The following IQCM variants were observed in gnomAD, a reference collection of about 807,000 sequenced individuals.
IQCM encodes IQ domain-containing protein M.
A neutral mutation model predicts 57.6 loss-of-function variants in IQCM; 45 were observed. That is an observed-to-expected ratio of 0.78 (90% CI 0.62 to 1.00). The LOEUF (loss-of-function observed/expected upper bound fraction) is 1.00, where lower values mean the gene tolerates loss of function less well. IQCM is among the 50% of genes least tolerant of loss of function. IQCM has a pLI of 0.00. For missense variants in IQCM, 468 were observed against 511.6 expected (o/e 0.91, Z 0.82); for synonymous variants, 148 against 158.9 (o/e 0.93, Z 0.51).
chr4:149,666,841 C>A (rs1242968292), intron 7 of IQCM, among the ~76,000 whole-genome samples: 1 of 152,138 alleles, frequency 6.6e-6, no homozygotes, highest in Non-Finnish European at 1.5e-5. Flanking sequence ...GCCACCACAG[C>A]ACCACAAAGC....
chr4:149,476,644 A>G (rs776454092), intron 12 of IQCM, among the ~76,000 whole-genome samples: 1 of 152,168 alleles, frequency 6.6e-6, no homozygotes, highest in African/African-American at 2.4e-5. Flanking sequence ...GTCTAATAAA[A>G]GACATCAACC....
At chr4:149,456,201 C>A (rs1737686600) in intron 12 of IQCM, among the ~76,000 whole-genome samples, 1 of 150,988 alleles carries the variant, frequency 6.6e-6, no homozygotes, top group Middle Eastern at 3.2e-3. Flanking sequence ...TACGATCAGA[C>A]AAAGAGGATA....
At chr4:149,398,186 C>G (rs1048518193) in intron 13 of IQCM, among the ~76,000 whole-genome samples, 1 of 151,868 alleles carries the variant, frequency 6.6e-6, no homozygotes, top group African/African-American at 2.4e-5. Flanking sequence ...GATTAGTTGA[C>G]CATGTATGGG....
At chr4:149,785,683 A>G (rs1772014965) in intron 2 of IQCM, among the ~76,000 whole-genome samples, 2 of 152,156 alleles carry the variant, frequency 1.3e-5, no homozygotes, top group South Asian at 4.1e-4. Context: ...TAATTTTTCT[A>G]ACCTTAGATC....
intron 13 of IQCM, among the ~76,000 whole-genome samples, chr4:149,420,817 T>C (rs1347113395): frequency 6.6e-6 from 1 of 152,026 alleles, no homozygotes; most frequent in Admixed American, 6.6e-5. Context: ...ATAAAAATCA[T>C]CCTCTTGACT....
intron 9 of IQCM, among the ~76,000 whole-genome samples, chr4:149,577,840 C>A (rs1479466662): frequency 6.6e-6 from 1 of 151,766 alleles, no homozygotes; most frequent in South Asian, 2.1e-4. Flanking sequence ...TTTAACACTA[C>A]TGATTCTTCC....
intron 12 of IQCM, among the ~76,000 whole-genome samples, chr4:149,547,450 A>G (rs937160802): frequency 2.0e-5 from 3 of 152,214 alleles, no homozygotes; most frequent in Admixed American, 1.3e-4. Flanking sequence ...AGTTGATATA[A>G]AAGCATAGAG....
At chr4:149,539,801 G>T (rs1747671166) in intron 12 of IQCM, among the ~76,000 whole-genome samples, 1 of 152,066 alleles carries the variant, frequency 6.6e-6, no homozygotes, top group South Asian at 2.1e-4. Context: ...GGAGGTGGGG[G>T]TTGCAGTGAG....
intron 13 of IQCM, among the ~76,000 whole-genome samples, chr4:149,388,339 T>C (rs1179738240): frequency 6.6e-6 from 1 of 151,466 alleles, no homozygotes; most frequent in Non-Finnish European, 1.5e-5. Context: ...ATATTCATCA[T>C]GGATATATGA....
chr4:149,574,625 C>T (rs897296111), intron 9 of IQCM, among the ~76,000 whole-genome samples: 5 of 151,954 alleles, frequency 3.3e-5, no homozygotes, highest in South Asian at 4.1e-4. Flanking sequence ...TAATCATGTC[C>T]GAACATTACA....
intron 5 of IQCM, among the ~76,000 whole-genome samples, chr4:149,698,204 G>C: frequency 6.6e-6 from 1 of 151,876 alleles, no homozygotes; most frequent in Non-Finnish European, 1.5e-5. Context: ...ATTCTTTTTA[G>C]CCATGTGTTA....
In IQCM at chr4:149,623,364, T is replaced by C. The variant is rs556598333; in HGVS notation, c.566-2120A>G. Among the ~76,000 whole-genome samples the C allele has an allele frequency of 5.4e-4, 82 of 152,296 alleles. 1 individual carries two copies. In the South Asian group the frequency reaches 0.015, roughly 28 times the overall value. ...TCAAATGTTTTATCTTGCTTACTCA[T>C]AAAACAGACTCACAGAGTTGAAAAC... On this transcript the variant is annotated intron_variant, in intron 7 of 13. Coordinates refer to ENST00000636793, the MANE Select transcript of IQCM (RefSeq NM_001363507.2).
chr4:149,498,447 G>T (rs182698236), intron 12 of IQCM, among the ~76,000 whole-genome samples: 1 of 152,140 alleles, frequency 6.6e-6, no homozygotes, highest in African/African-American at 2.4e-5. Flanking sequence ...ACCATGGAAA[G>T]TAGCCAGGCT....
At chr4:149,660,637 G>A (rs1298907104) in intron 7 of IQCM, among the ~76,000 whole-genome samples, 1 of 152,154 alleles carries the variant, frequency 6.6e-6, no homozygotes, top group Non-Finnish European at 1.5e-5. Context: ...ATACACCATG[G>A]AATACTATGC....
intron 13 of IQCM, among the ~76,000 whole-genome samples, chr4:149,356,692 T>C (rs547444901): frequency 6.6e-6 from 1 of 152,310 alleles, no homozygotes; most frequent in South Asian, 2.1e-4. Flanking sequence ...GCCTCCAGCT[T>C]TGTTCTTTTG....
intron 2 of IQCM, among the ~76,000 whole-genome samples, chr4:149,749,529 A>G (rs762782858): frequency 6.6e-6 from 1 of 152,134 alleles, no homozygotes; most frequent in African/African-American, 2.4e-5. Flanking sequence ...AACTGTGAGG[A>G]AAGAGTGCAG....
At chr4:149,365,861 C>T (rs190085436) in intron 13 of IQCM, among the ~76,000 whole-genome samples, 12 of 152,164 alleles carry the variant, frequency 7.9e-5, no homozygotes, top group Non-Finnish European at 1.0e-4. Flanking sequence ...CCTAATAAGA[C>T]ATGACAAGTA....
chr4:149,549,891 A>T (rs1748859914), intron 11 of IQCM, among the ~76,000 whole-genome samples: 1 of 152,252 alleles, frequency 6.6e-6, no homozygotes, highest in Non-Finnish European at 1.5e-5. Flanking sequence ...TGATTGTCTA[A>T]ATATGAATAG....
At chr4:149,590,054 A>G (rs1033264259) in intron 8 of IQCM, among the ~76,000 whole-genome samples, 2 of 151,874 alleles carry the variant, frequency 1.3e-5, no homozygotes, top group African/African-American at 2.4e-5. Context: ...GAATTGGCAC[A>G]TTCTCCATAA....
Sources: gnomAD v4.1 joint callset for allele counts (sites outside exome capture counted in the v4.1 genomes callset) on GRCh38, gnomAD v4.1.1 for gene constraint, MANE v1.5 for transcripts, NCBI Gene and HGNC (gene_info 2026-07-23, HGNC 2026-07-21) for gene names.